The following SMTN variants were observed in gnomAD, a reference collection of about 807,000 sequenced individuals.
The protein encoded by SMTN is smoothelin.
Under a neutral mutation model 102.0 loss-of-function variants are expected in SMTN, and 58 were observed. The ratio of observed to expected loss-of-function variants is 0.57; its 90% CI spans 0.46 to 0.71. The LOEUF (loss-of-function observed/expected upper bound fraction) is 0.71. Ranked by LOEUF, SMTN falls within the 30% of genes least tolerant of loss-of-function variation. The probability of loss-of-function intolerance (pLI) is 0.00; values close to 1 mark genes in which losing one functional copy is unlikely to be tolerated. For synonymous variants in SMTN, 478 were observed against 497.9 expected (o/e 0.96, Z 0.53); for missense variants, 1,185 against 1,241.7 (o/e 0.95, Z 0.69).
intron 11 of SMTN, chr22:31,093,362 A>G (rs940215250): frequency 8.5e-6 from 3 of 353,680 alleles, no homozygotes; most frequent in Non-Finnish European, 1.7e-5. Flanking sequence ...CCCTCGGACC[A>G]GCTGCAAAGA....
Position 31,099,701 on chromosome 22 carries a change from G to A in SMTN, c.2452-44G>A, listed in dbSNP as rs777102648. 5.6e-6 allele frequency: 9 copies of A among 1,602,408 alleles called. No homozygotes were observed. The South Asian group carries it at 6.7e-5, about 12-fold the overall frequency. On this transcript the variant is annotated intron_variant, in intron 18 of 20. Coordinates refer to ENST00000333137, the MANE Select transcript of SMTN (RefSeq NM_134269.3). The stretch of plus-strand genomic sequence containing the variant: ...AATGCTGAGGGGTAGACAGCAGGGG[G>A]GAGTTGCCCCCAGGTTCCTGACCAG...
At chr22:31,073,419 C>T (rs937776677) in intron 1 of SMTN, among the ~76,000 whole-genome samples, 1 of 152,124 alleles carries the variant, frequency 6.6e-6, no homozygotes, top group African/African-American at 2.4e-5. Flanking sequence ...ACATAAAGGC[C>T]AGTGAAATTA....
chr22:31,076,901 G>A (rs1160271694), upstream of SMTN, among the ~76,000 whole-genome samples: 1 of 152,192 alleles, frequency 6.6e-6, no homozygotes, highest in Non-Finnish European at 1.5e-5. Flanking sequence ...CCCCTGAGCT[G>A]CTCCAGATAC....
Position 31,096,837 on chromosome 22 carries a change from CG to C in SMTN, c.1969del (p.Ala657GlnfsTer36), listed in dbSNP as rs1201062165. On this transcript the variant is annotated frameshift_variant, in exon 14 of 21. Coordinates refer to ENST00000333137, the MANE Select transcript of SMTN (RefSeq NM_134269.3). LOFTEE classifies it high-confidence loss of function. ...TGAGACCACCACGAGGCACAGCCAGCGGGCAGCTGATGGCTCTGCTGTCAGC... is the reference window on the plus strand; with the variant it reads ...TGAGACCACCACGAGGCACAGCCAGCGGCAGCTGATGGCTCTGCTGTCAGC... ...ATETTTRHSQ[R>X]AADGSAVSTV... 1 of 1,574,546 alleles carries C rather than the reference CG, an allele frequency of 6.4e-7. No homozygotes were observed. The highest frequency in any genetic ancestry group is 8.6e-7 in the Non-Finnish European group (1 of 1,157,492).
chr22:31,100,046 T>C (rs1602677492), intron 19 of SMTN, 150 bp downstream of exon 19: 1 of 540,638 alleles, frequency 1.8e-6, no homozygotes, highest in South Asian at 2.6e-5. Flanking sequence ...TCCCCGTCCT[T>C]CTCCATCCCC....
chr22:31,082,765 G>A, intron 1 of SMTN: 2 of 1,150,640 alleles, frequency 1.7e-6, no homozygotes, highest in Non-Finnish European at 2.4e-6. Context: ...CTGCGGAGTG[G>A]GTGGGGGCTG....
In SMTN at chr22:31,089,968, GC is replaced by G; in HGVS notation, c.743del (p.Pro248LeufsTer109). On this transcript the variant is annotated frameshift_variant, in exon 7 of 21. Transcript: ENST00000333137. LOFTEE classifies it high-confidence loss of function. The stretch of plus-strand genomic sequence containing the variant: ...GCCCACCCAAGACCACCAGCCCTGA[GC>G]CTCAGGAGTCTCCAACGCTCCCCAG... Reference protein sequence around the residue: ...PSPPKTTSPEPQESPTLPSTE... With the variant: ...PSPPKTTSPEXQESPTLPSTE... The G allele has an allele frequency of 6.2e-7, 1 of 1,600,004 alleles. No individual in the cohort carries two copies. Among genetic ancestry groups the G allele is most frequent in the Non-Finnish European group, 8.5e-7 (1 of 1,173,116 alleles).
At chr22:31,102,677 C>G (rs2044185815) in intron 20 of SMTN, 1 of 152,418 alleles carries the variant, frequency 6.6e-6, no homozygotes, top group Non-Finnish European at 1.5e-5. Context: ...CTCAAGTTGC[C>G]TGGTGTTTGG....
chr22:31,070,185 T>C (rs1387047854), intron 1 of SMTN, among the ~76,000 whole-genome samples: 1 of 152,172 alleles, frequency 6.6e-6, no homozygotes, highest in Non-Finnish European at 1.5e-5. Context: ...TGAAAGTCCT[T>C]TCCTCTTACT....
At chr22:31,074,728 C>T (rs1246121328) in intron 1 of SMTN, among the ~76,000 whole-genome samples, 4 of 152,022 alleles carry the variant, frequency 2.6e-5, no homozygotes, top group African/African-American at 4.8e-5. Context: ...ACCCAGGAAG[C>T]GGAGGTTGCA....
Position 31,089,861 on chromosome 22 carries a change from G to T in SMTN, c.634G>T (p.Ala212Ser). 36 of 1,613,868 alleles carry T rather than the reference G, an allele frequency of 2.2e-5. No homozygotes were observed. The highest frequency in any genetic ancestry group is 3.1e-5 in the Non-Finnish European group (36 of 1,179,950). Residue 212 changes from alanine (A) to serine (S), a missense_variant, in exon 7 of 21, where the codon GCC becomes TCC. Physicochemically the swap from Ala to Ser is moderately conservative, Grantham distance 99 (BLOSUM62 1). Coordinates refer to ENST00000333137, the MANE Select transcript of SMTN (RefSeq NM_134269.3). ...PASPSSSPTP[A>S]SPEPPLEPAE... ...CTCACCCAGCAGTTCACCCACCCCT[G>T]CCTCTCCTGAGCCTCCATTGGAGCC...
intron 11 of SMTN, chr22:31,093,692 G>A (rs780041294): frequency 1.8e-5 from 17 of 960,244 alleles, no homozygotes; most frequent in African/African-American, 4.8e-5. Flanking sequence ...CTGAGCCTAC[G>A]GCTGGGGGTC....
At chr22:31,097,225 TC>T in intron 15 of SMTN, 43 bp from the exon 16 acceptor site, 1 of 1,598,986 alleles carries the variant, frequency 6.3e-7, no homozygotes, top group Non-Finnish European at 8.6e-7. Flanking sequence ...TCTCCTGATG[TC>T]CAGCCCAGGC....
chr22:31,087,915 G>A (rs2042813598), intron 2 of SMTN, 50 bp from the exon 3 acceptor site: 1 of 1,526,068 alleles, frequency 6.6e-7, no homozygotes, highest in South Asian at 1.3e-5. Context: ...GCTGGTGCCA[G>A]CCCTCCGCCC....
intron 11 of SMTN, chr22:31,093,211 G>A (rs114562963): frequency 2.4e-4 from 60 of 245,216 alleles, no homozygotes; most frequent in African/African-American, 1.2e-3. Flanking sequence ...CTGGCGATCC[G>A]CCTGCTTGGG....
chr22:31,089,631 G>T, intron 6 of SMTN, 68 bp from the exon 7 acceptor site: 1 of 1,454,366 alleles, frequency 6.9e-7, no homozygotes, highest in Non-Finnish European at 9.4e-7. Flanking sequence ...TGCCAGCCTG[G>T]CCCTCAGTGG....
intron 2 of SMTN, among the ~76,000 whole-genome samples, chr22:31,087,726 T>C (rs542726194): frequency 9.3e-4 from 142 of 152,356 alleles, no homozygotes; most frequent in African/African-American, 2.8e-3. Flanking sequence ...AGTTTCTGGC[T>C]GTCCACTCAC....
At position 31,083,442 on chromosome 22, in the gene SMTN, G is replaced by A. The variant is rs969823661; in HGVS notation, c.51+133G>A. Reference sequence around the variant, plus strand: ...AGGAGGAGGGGGACATGGGAACAGGGGTAGGCCAGTTCCATGTGGCTGATG... The same window carrying A: ...AGGAGGAGGGGGACATGGGAACAGGAGTAGGCCAGTTCCATGTGGCTGATG... On this transcript the variant is annotated intron_variant, in intron 2 of 20. Coordinates refer to ENST00000333137, the MANE Select transcript of SMTN (RefSeq NM_134269.3). 25 of 1,120,852 alleles carry A rather than the reference G, an allele frequency of 2.2e-5. No homozygotes were observed. The African/African-American group carries it at 3.5e-4, about 16-fold the overall frequency. 69.4% of individuals were successfully genotyped at this position (1,120,852 alleles called of 1,614,324 possible).
chr22:31,071,704 T>C (rs1289952854), intron 1 of SMTN, among the ~76,000 whole-genome samples: 1 of 151,262 alleles, frequency 6.6e-6, no homozygotes, highest in Admixed American at 6.6e-5. Context: ...CTCTTTTTTT[T>C]TTTTTTTTGG....
Sources: allele counts gnomAD v4.1 joint callset (sites outside exome capture counted in the v4.1 genomes callset), GRCh38; gene constraint gnomAD v4.1.1; transcripts MANE v1.5; gene names NCBI Gene and HGNC (gene_info 2026-07-23, HGNC 2026-07-21).